The following DYSF variants were observed in gnomAD, a reference collection of about 807,000 sequenced individuals.
The protein encoded by DYSF is dystrophy-associated fer-1-like 1.
Under a neutral mutation model 274.9 loss-of-function variants are expected in DYSF, and 212 were observed. That is an observed-to-expected ratio of 0.77 (90% CI 0.69 to 0.86). The LOEUF is 0.86. DYSF is among the 40% of genes least tolerant of loss of function. DYSF has a pLI of 0.00. For missense variants in DYSF, 2,666 were observed against 2,783.2 expected (o/e 0.96, Z 0.95); for synonymous variants, 1,091 against 1,078.7 (o/e 1.01, Z -0.22).
rs572543687 is a variant in DYSF, at chr2:71,559,530, T to C, written c.2217-2222T>C. 7.9e-5 allele frequency among the ~76,000 whole-genome samples: 12 copies of C among 152,324 alleles called. 1 individual carries two copies. The highest frequency in any genetic ancestry group is 2.6e-4 in the Admixed American group (4 of 15,306). Reference sequence around the variant, plus strand: ...TCTCATCCTGGTGGACAGGCCTTTCTGTCCCCACCACCTGCCTCACGGAGC... The same window carrying C: ...TCTCATCCTGGTGGACAGGCCTTTCCGTCCCCACCACCTGCCTCACGGAGC... On this transcript the variant is annotated intron_variant, in intron 22 of 55. Transcript: ENST00000410020.
chr2:71,496,114 C>A (rs1444208204), intron 3 of DYSF, among the ~76,000 whole-genome samples: 1 of 151,932 alleles, frequency 6.6e-6, no homozygotes, highest in African/African-American at 2.4e-5. Flanking sequence ...ATAGTGTAGA[C>A]TATTAGACCT....
chr2:71,620,665 T>TGGGGGGG, intron 41 of DYSF, 56 bp downstream of exon 41: 1 of 1,394,798 alleles, frequency 7.2e-7, no homozygotes, highest in South Asian at 1.5e-5. Flanking sequence ...GGGCTGGGGG[T>TGGGGGGG]AGGGGGGTTA....
intron 1 of DYSF, among the ~76,000 whole-genome samples, chr2:71,457,555 T>C (rs1266825199): frequency 6.6e-6 from 1 of 152,194 alleles, no homozygotes; most frequent in Non-Finnish European, 1.5e-5. Flanking sequence ...GTCTGCACCT[T>C]GACTCCTCTC....
At chr2:71,460,509 C>T (rs1030226698) in intron 1 of DYSF, among the ~76,000 whole-genome samples, 1 of 152,178 alleles carries the variant, frequency 6.6e-6, no homozygotes, top group Non-Finnish European at 1.5e-5. Context: ...GGTCAGGTCT[C>T]AGCCACACTC....
At chr2:71,578,363 G>A (rs904797701) in intron 30 of DYSF, among the ~76,000 whole-genome samples, 1 of 152,168 alleles carries the variant, frequency 6.6e-6, no homozygotes, top group Non-Finnish European at 1.5e-5. Context: ...GGGTCCTGGA[G>A]AGGGAGGTAT....
rs555479625 is a variant in DYSF, at chr2:71,605,776, G to A, written c.3957+2971G>A. On this transcript the variant is annotated intron_variant, in intron 36 of 55. Transcript: ENST00000410020. ...CAAGTCCACTGGAAGGAAAAATTTG[G>A]TGTTTTGCAATCAGGAAAATAAAGC... 3.9e-5 allele frequency among the ~76,000 whole-genome samples: 6 copies of A among 152,260 alleles called. No individual in the cohort carries two copies. The East Asian group carries it at 1.2e-3, about 29-fold the overall frequency.
At chr2:71,486,254 C>A (rs1184955266) in intron 3 of DYSF, among the ~76,000 whole-genome samples, 1 of 151,978 alleles carries the variant, frequency 6.6e-6, no homozygotes, top group Non-Finnish European at 1.5e-5. Flanking sequence ...ATCTGTTAAC[C>A]CTCTCAGTCC....
chr2:71,578,655 GGT>G (rs1264074195), intron 30 of DYSF, among the ~76,000 whole-genome samples: 1 of 152,176 alleles, frequency 6.6e-6, no homozygotes, highest in Non-Finnish European at 1.5e-5. Flanking sequence ...AAAGACCGTG[GGT>G]GGAAGCCAGG....
chr2:71,545,292 G>C (rs1490387870), intron 17 of DYSF, among the ~76,000 whole-genome samples: 2 of 152,232 alleles, frequency 1.3e-5, no homozygotes, highest in Non-Finnish European at 1.5e-5. Context: ...CGCAAAGGTA[G>C]AGAATTGTAC....
chr2:71,546,801 C>T (rs2090511840), intron 17 of DYSF, among the ~76,000 whole-genome samples: 1 of 152,256 alleles, frequency 6.6e-6, no homozygotes, highest in South Asian at 2.1e-4. Flanking sequence ...CTGGCGCAAG[C>T]GAGAGTCAGG....
chr2:71,635,527 C>T (rs1319995213), intron 41 of DYSF, among the ~76,000 whole-genome samples: 1 of 152,054 alleles, frequency 6.6e-6, no homozygotes, highest in African/African-American at 2.4e-5. Flanking sequence ...GCGGGTGGAT[C>T]ATGTGAGGCC....
At chr2:71,598,078 A>G (rs574566003) in intron 32 of DYSF, among the ~76,000 whole-genome samples, 24 of 152,330 alleles carry the variant, frequency 1.6e-4, no homozygotes, top group African/African-American at 5.5e-4. Flanking sequence ...TTTTATGTCT[A>G]TTCTTCAAGG....
chr2:71,670,999 C>G (rs942290157), intron 51 of DYSF, among the ~76,000 whole-genome samples: 1 of 152,174 alleles, frequency 6.6e-6, no homozygotes, highest in Non-Finnish European at 1.5e-5. Context: ...TCCTATGACT[C>G]CTTGTCTCCT....
chr2:71,579,080 C>G (rs2092804492), intron 30 of DYSF, among the ~76,000 whole-genome samples: 1 of 152,198 alleles, frequency 6.6e-6, no homozygotes, highest in Admixed American at 6.5e-5. Context: ...TTCCATCCAG[C>G]CTCCCTCTCC....
At position 71,485,470 on chromosome 2, in the gene DYSF, C is replaced by T. The variant is rs747796506; in HGVS notation, c.239+3500C>T. On this transcript the variant is annotated intron_variant, in intron 3 of 55. Transcript: ENST00000410020. ...ACTCAGGAGGCTGAGACAGGAGAAT[C>T]GCTTGAACCCGGGAAGCAGAGGTTG... Among the ~76,000 whole-genome samples the T allele has an allele frequency of 2.9e-4, 44 of 152,182 alleles. 1 individual carries two copies. Among genetic ancestry groups the T allele is most frequent in the African/African-American group, 9.9e-4 (41 of 41,448 alleles).
chr2:71,477,706 A>G (rs1323453033), intron 1 of DYSF, among the ~76,000 whole-genome samples: 1 of 152,252 alleles, frequency 6.6e-6, no homozygotes, highest in Non-Finnish European at 1.5e-5. Flanking sequence ...AAACTGCAAG[A>G]TAGAACAATG....
At chr2:71,672,912 G>A (rs1361771357) in intron 51 of DYSF, among the ~76,000 whole-genome samples, 1 of 152,374 alleles carries the variant, frequency 6.6e-6, no homozygotes. Flanking sequence ...CAGCAGTCCA[G>A]GCCGTGGCTG....
chr2:71,665,804 C>G (rs1350421522), intron 47 of DYSF, among the ~76,000 whole-genome samples: 6 of 152,170 alleles, frequency 3.9e-5, no homozygotes, highest in Admixed American at 3.9e-4. Context: ...CTTGTAGTGC[C>G]CCCAGTCCTG....
chr2:71,487,451 CA>C (rs1202521053), intron 3 of DYSF, among the ~76,000 whole-genome samples: 1 of 152,146 alleles, frequency 6.6e-6, no homozygotes, highest in East Asian at 1.9e-4. Context: ...CCCAGGATGG[CA>C]GGGGGGCAGT....
Sources: gnomAD v4.1 joint callset for allele counts (sites outside exome capture counted in the v4.1 genomes callset) on GRCh38, gnomAD v4.1.1 for gene constraint, MANE v1.5 for transcripts, NCBI Gene and HGNC (gene_info 2026-07-23, HGNC 2026-07-21) for gene names.